RGS8: variants seen among roughly 807,000 people sequenced by gnomAD.
The protein encoded by RGS8 is regulator of G-protein signaling 8.
Under a neutral mutation model 21.7 loss-of-function variants are expected in RGS8, and 8 were observed. That is an observed-to-expected ratio of 0.37 (90% confidence interval 0.22 to 0.66). The LOEUF is 0.66. Ranked by LOEUF, RGS8 falls within the 30% of genes least tolerant of loss-of-function variation. RGS8 has a pLI of 0.59. For missense variants in RGS8, 157 were observed against 217.9 expected (o/e 0.72, Z 1.76); for synonymous variants, 80 against 83.6 (o/e 0.96, Z 0.24).
chr1:182,681,696 G>A (rs1373792324), intron 1 of RGS8, among the ~76,000 whole-genome samples: 1 of 152,198 alleles, frequency 6.6e-6, no homozygotes, highest in Non-Finnish European at 1.5e-5. Flanking sequence ...CCTTGCTTGC[G>A]GGCATGTGCT....
chr1:182,694,644 TA>T, the RGS8 span, among the ~76,000 whole-genome samples: 1,507 of 151,998 alleles, frequency 9.9e-3, 25 homozygotes, highest in African/African-American at 0.034. Context: ...CTGTCTCTAC[TA>T]AAAATACAAA....
At chr1:182,668,162 CA>C (rs1452516311) in intron 3 of RGS8, among the ~76,000 whole-genome samples, 2 of 152,130 alleles carry the variant, frequency 1.3e-5, no homozygotes, top group Admixed American at 6.5e-5. Flanking sequence ...CCCACAAACC[CA>C]AAAATATTTA....
chr1:182,666,124 G>C, intron 4 of RGS8, 91 bp from the exon 6 acceptor site: 1 of 1,076,672 alleles, frequency 9.3e-7, no homozygotes, highest in African/African-American at 1.6e-5. Flanking sequence ...AAACAAATTG[G>C]AAAAATGTGG....
At chr1:182,724,201 G>GATATATATACAT in the RGS8 span, among the ~76,000 whole-genome samples, 2 of 42,082 alleles carry the variant, frequency 4.8e-5, no homozygotes, top group Non-Finnish European at 9.6e-5. Context: ...GGCTAGACTG[G>GATATATATACAT]ATATATATAT....
At chr1:182,668,993 C>G (rs1330239808) in intron 3 of RGS8, among the ~76,000 whole-genome samples, 1 of 152,186 alleles carries the variant, frequency 6.6e-6, no homozygotes, top group African/African-American at 2.4e-5. Context: ...AAAGAGCAAT[C>G]AAGAGGACTT....
chr1:182,710,249 T>G, the RGS8 span, among the ~76,000 whole-genome samples: 2 of 152,208 alleles, frequency 1.3e-5, no homozygotes, highest in Non-Finnish European at 2.9e-5. Flanking sequence ...ATGAACAAAG[T>G]GCAATTCCTG....
At chr1:182,719,461 C>CT in the RGS8 span, among the ~76,000 whole-genome samples, 53,255 of 140,540 alleles carry the variant, frequency 0.38, 10,110 homozygotes, top group African/African-American at 0.44. Context: ...TTTCTTTCTT[C>CT]TTTTTTTTTT....
At chr1:182,648,839 G>A (rs1339303437) in intron 5 of RGS8, among the ~76,000 whole-genome samples, 1 of 152,126 alleles carries the variant, frequency 6.6e-6, no homozygotes, top group Non-Finnish European at 1.5e-5. Flanking sequence ...AGTGTCTCAT[G>A]CCTGTAATCC....
chr1:182,745,920 A>G, the RGS8 span, among the ~76,000 whole-genome samples: 6 of 151,874 alleles, frequency 4.0e-5, no homozygotes, highest in Admixed American at 3.3e-4. Context: ...TCAAATATTC[A>G]TCCTTCTAAT....
At chr1:182,717,470 C>T in the RGS8 span, among the ~76,000 whole-genome samples, 1 of 152,210 alleles carries the variant, frequency 6.6e-6, no homozygotes, top group Non-Finnish European at 1.5e-5. Context: ...CACAGCTAAC[C>T]TTAGCACACA....
chr1:182,701,445 A>G, the RGS8 span, among the ~76,000 whole-genome samples: 4 of 152,238 alleles, frequency 2.6e-5, no homozygotes, highest in Admixed American at 6.5e-5. Flanking sequence ...TGGAGTTATC[A>G]GCTCCCTTGA....
upstream of RGS8, among the ~76,000 whole-genome samples, chr1:182,673,091 G>C (rs1424893961): frequency 6.6e-6 from 1 of 152,060 alleles, no homozygotes; most frequent in African/African-American, 2.4e-5. Context: ...TTATGCTCTA[G>C]GTCCCTAAGG....
chr1:182,749,914 G>T, the RGS8 span, among the ~76,000 whole-genome samples: 2 of 152,088 alleles, frequency 1.3e-5, no homozygotes, highest in Non-Finnish European at 2.9e-5. Flanking sequence ...AGTGTGTGTT[G>T]TTCCCCTGCC....
At chr1:182,655,996 A>C (rs1663256942) in intron 5 of RGS8, among the ~76,000 whole-genome samples, 1 of 152,186 alleles carries the variant, frequency 6.6e-6, no homozygotes, top group Non-Finnish European at 1.5e-5. Flanking sequence ...TCATCTCTAA[A>C]ATGGGAATAA....
At chr1:182,735,716 G>A in the RGS8 span, among the ~76,000 whole-genome samples, 1 of 152,218 alleles carries the variant, frequency 6.6e-6, no homozygotes, top group Non-Finnish European at 1.5e-5. Context: ...ACCAGTTTGT[G>A]ATTATATTTT....
the RGS8 span, among the ~76,000 whole-genome samples, chr1:182,749,882 C>G: frequency 6.6e-6 from 1 of 152,166 alleles, no homozygotes; most frequent in African/African-American, 2.4e-5. Context: ...GCTCTCCCTT[C>G]CCTGATGCCC....
intron 1 of RGS8, among the ~76,000 whole-genome samples, chr1:182,680,989 T>A (rs1664517881): frequency 1.3e-5 from 2 of 152,186 alleles, no homozygotes; most frequent in Admixed American, 1.3e-4. Flanking sequence ...TGCCTTCTCA[T>A]CTCTGAAATC....
chr1:182,643,323 G>GGCCCC (rs1553214908), downstream of RGS8: 1 of 31,514 alleles, frequency 3.2e-5, no homozygotes, highest in African/African-American at 1.3e-4. Context: ...CCCTCCCCCA[G>GGCCCC]CCCCCCCGCC....
At chr1:182,721,313 A>T in the RGS8 span, among the ~76,000 whole-genome samples, 1 of 152,144 alleles carries the variant, frequency 6.6e-6, no homozygotes, top group Non-Finnish European at 1.5e-5. Context: ...AAGCAAAAAC[A>T]GGAGAGGGGA....
Sources: gnomAD v4.1 joint callset for allele counts (sites outside exome capture counted in the v4.1 genomes callset) on GRCh38, gnomAD v4.1.1 for gene constraint, MANE v1.5 for transcripts, NCBI Gene and HGNC (gene_info 2026-07-23, HGNC 2026-07-21) for gene names.